GRHL2: variants seen among roughly 807,000 people sequenced by gnomAD.
GRHL2 encodes the protein grainyhead-like protein 2 homolog.
GRHL2 carries 21 observed loss-of-function variants against 83.8 expected under a neutral mutation model. The observed-to-expected ratio is 0.25, with a 90% CI of 0.18 to 0.36. The LOEUF (loss-of-function observed/expected upper bound fraction) is 0.36. Ranked by LOEUF, GRHL2 falls within the 10% of genes least tolerant of loss-of-function variation. The pLI is 1.00. For synonymous variants in GRHL2, 280 were observed against 278.9 expected (o/e 1.00, Z -0.04); for missense variants, 623 against 781.8 (o/e 0.80, Z 2.42).
At chr8:101,659,881 T>C (rs914577567) in intron 14 of GRHL2, among the ~76,000 whole-genome samples, 2 of 152,192 alleles carry the variant, frequency 1.3e-5, no homozygotes, top group African/African-American at 4.8e-5. Flanking sequence ...TTTAGACAGA[T>C]ACAATATCTT....
In GRHL2 at chr8:101,558,727, C is replaced by T; in HGVS notation, c.593C>T (p.Ala198Val). ...ACTCAGTATGACGTGCCCTCGCTGG[C>T]CACCCACAGCGCCTATCTCAAAGAC... ...EQTQYDVPSLATHSAYLKDDQ... is the reference protein window; with the variant it reads ...EQTQYDVPSLVTHSAYLKDDQ... Residue 198 changes from alanine (A) to valine (V), a missense_variant, in exon 4 of 16, where the codon GCC (alanine) becomes GTC (valine). Physicochemically the swap from Ala to Val is moderately conservative, Grantham distance 64. Transcript: ENST00000646743. The T allele has an allele frequency of 6.2e-7, 1 of 1,614,116 alleles. No homozygotes were observed. Among genetic ancestry groups the T allele is most frequent in the Non-Finnish European group, 8.5e-7 (1 of 1,180,010 alleles).
At chr8:101,626,138 A>G (rs1813074751) in intron 9 of GRHL2, among the ~76,000 whole-genome samples, 1 of 152,022 alleles carries the variant, frequency 6.6e-6, no homozygotes, top group Non-Finnish European at 1.5e-5. Context: ...ACTTTGACTT[A>G]TCCTGTCAGG....
intron 4 of GRHL2, among the ~76,000 whole-genome samples, chr8:101,560,222 G>T (rs2130183473): frequency 6.6e-6 from 1 of 152,098 alleles, no homozygotes; most frequent in East Asian, 1.9e-4. Context: ...TAGAGACAGG[G>T]TTTCACCATG....
At chr8:101,557,451 T>G (rs1197037773) in intron 3 of GRHL2, among the ~76,000 whole-genome samples, 1 of 152,108 alleles carries the variant, frequency 6.6e-6, no homozygotes, top group African/African-American at 2.4e-5. Flanking sequence ...CTGGAACTCC[T>G]GACCACAGGT....
At chr8:101,584,986 GTCAGGTAGCCAGGTGA>G (rs1370840964) in intron 7 of GRHL2, among the ~76,000 whole-genome samples, 6 of 152,130 alleles carry the variant, frequency 3.9e-5, no homozygotes, top group Admixed American at 1.3e-4. Flanking sequence ...TGGTCAGGTA[GTCAGGTAGCCAGGTGA>G]TCAGGTAGCC....
chr8:101,577,797 C>T (rs765375458), intron 7 of GRHL2, among the ~76,000 whole-genome samples: 2 of 152,206 alleles, frequency 1.3e-5, no homozygotes, highest in Admixed American at 6.5e-5. Context: ...ATTCCTAAAA[C>T]GTGTTTTCAT....
intron 1 of GRHL2, among the ~76,000 whole-genome samples, chr8:101,502,107 A>G (rs962365078): frequency 6.6e-6 from 1 of 152,192 alleles, no homozygotes; most frequent in Non-Finnish European, 1.5e-5. Context: ...CTAACTTTTC[A>G]AAGAAACAAG....
At position 101,510,062 on chromosome 8, in the gene GRHL2, C is replaced by T. The variant is rs546869734; in HGVS notation, c.20+17273C>T. Among the ~76,000 whole-genome samples the T allele has an allele frequency of 5.9e-5, 9 of 152,302 alleles. No individual in the cohort carries two copies. In the East Asian group the frequency reaches 1.7e-3, roughly 29 times the overall value. On this transcript the variant is annotated intron_variant, in intron 1 of 15. Coordinates refer to ENST00000646743, the MANE Select transcript of GRHL2 (RefSeq NM_024915.4). ...GCAGAGTGCAGTGGTGTGATTTCGGCTCACTGCAGCCTTGACCTCCCAGGC... is the reference window on the plus strand; with the variant it reads ...GCAGAGTGCAGTGGTGTGATTTCGGTTCACTGCAGCCTTGACCTCCCAGGC...
chr8:101,616,319 C>T (rs557708764), intron 8 of GRHL2, among the ~76,000 whole-genome samples: 231 of 151,984 alleles, frequency 1.5e-3, no homozygotes, highest in African/African-American at 4.9e-3. Context: ...TACAGGTGCC[C>T]ACCACCATAC....
chr8:101,557,766 G>A (rs1354948184), intron 3 of GRHL2, among the ~76,000 whole-genome samples: 1 of 152,088 alleles, frequency 6.6e-6, no homozygotes, highest in Non-Finnish European at 1.5e-5. Flanking sequence ...ATTCTGGTTT[G>A]TCTGATCGCT....
intron 7 of GRHL2, among the ~76,000 whole-genome samples, chr8:101,593,668 C>T (rs1375721438): frequency 6.6e-6 from 1 of 151,998 alleles, no homozygotes; most frequent in Non-Finnish European, 1.5e-5. Flanking sequence ...GTAAATATGA[C>T]CTTATTTCAG....
At position 101,492,747 on chromosome 8, in the gene GRHL2, G is replaced by C. The variant is rs1306822032; in HGVS notation, c.-23G>C. 4 of 1,612,878 alleles carry C rather than the reference G, an allele frequency of 2.5e-6. No individual in the cohort carries two copies. The highest frequency in any genetic ancestry group is 3.4e-6 in the Non-Finnish European group (4 of 1,178,886). On this transcript the variant is annotated 5_prime_UTR_variant, in exon 1 of 16. Transcript: ENST00000646743. ...CAGAGGCTGAGGCTCCAGGAAAAGC[G>C]GAGCAAGTTCATTGGATCAAACATG... is the stretch of plus-strand genomic sequence containing the variant.
intron 14 of GRHL2, among the ~76,000 whole-genome samples, chr8:101,659,535 G>GGT (rs1477627602): frequency 6.6e-6 from 1 of 152,196 alleles, no homozygotes; most frequent in African/African-American, 2.4e-5. Flanking sequence ...GAATGGGGAA[G>GGT]GTAGTGAGCT....
intron 9 of GRHL2, among the ~76,000 whole-genome samples, chr8:101,620,777 G>C (rs1265385397): frequency 6.6e-6 from 1 of 152,222 alleles, no homozygotes; most frequent in Non-Finnish European, 1.5e-5. Flanking sequence ...TGTCTCAGGA[G>C]AGCATGTGAG....
intron 1 of GRHL2, among the ~76,000 whole-genome samples, chr8:101,493,875 G>T (rs1406954336): frequency 6.6e-6 from 1 of 151,914 alleles, no homozygotes; most frequent in Non-Finnish European, 1.5e-5. Context: ...CCTCCCCCCT[G>T]GCCGGCCCCC....
Position 101,652,524 on chromosome 8 carries a change from G to GTGTGTGTGGTGCT in GRHL2, c.1698+3036_1698+3037insCTTGTGTGTGGTG, listed in dbSNP as rs1813681432. ...TGTGTGTGTGTGGTGTGTGTGTGGTGTGTGTGTGGTGTGTGTGTGTGTGGT... is the reference window on the plus strand; with the variant it reads ...TGTGTGTGTGTGGTGTGTGTGTGGTGTGTGTGTGGTGCTTGTGTGTGGTGTGTGTGTGTGTGGT... On this transcript the variant is annotated intron_variant, in intron 14 of 15. Coordinates refer to ENST00000646743, the MANE Select transcript of GRHL2 (RefSeq NM_024915.4). 1.1e-4 allele frequency among the ~76,000 whole-genome samples: 10 copies of GTGTGTGTGGTGCT among 88,808 alleles called. 3 individuals carry two copies. Among genetic ancestry groups the GTGTGTGTGGTGCT allele is most frequent in the African/African-American group, 6.7e-4 (10 of 14,956 alleles). The allele number at this position is 88,808 out of a possible 152,430, so 58.3% of individuals were successfully genotyped here. A position where few individuals can be genotyped will look rare whatever the true frequency, so the allele number is the denominator to read the frequency against.
intron 13 of GRHL2, among the ~76,000 whole-genome samples, chr8:101,647,182 C>A (rs750204188): frequency 6.6e-6 from 1 of 151,982 alleles, no homozygotes; most frequent in African/African-American, 2.4e-5. Context: ...GCCAGGAGTT[C>A]GAGAAACCCC....
At chr8:101,573,611 A>G (rs971333539) in intron 5 of GRHL2, 57 bp from the exon 6 acceptor site, 11 of 1,608,444 alleles carry the variant, frequency 6.8e-6, no homozygotes, top group Non-Finnish European at 8.5e-6. Flanking sequence ...GAAATTGGTC[A>G]AAAGAGCAGA....
intron 1 of GRHL2, among the ~76,000 whole-genome samples, chr8:101,526,935 CTTGTTTGT>C (rs1233492293): frequency 1.3e-5 from 2 of 152,172 alleles, no homozygotes; most frequent in East Asian, 3.9e-4. Context: ...CACGTATTTG[CTTGTTTGT>C]TTGCTTGTTT....
Sources: allele counts gnomAD v4.1 joint callset (sites outside exome capture counted in the v4.1 genomes callset), GRCh38; gene constraint gnomAD v4.1.1; transcripts MANE v1.5; gene names NCBI Gene and HGNC (gene_info 2026-07-23, HGNC 2026-07-21).